Variants in SEC14L1 observed in about 807,000 individuals in gnomAD.
The protein encoded by SEC14L1 is SEC14-like protein 1.
A neutral mutation model predicts 85.3 loss-of-function variants in SEC14L1; 48 were observed. That is an observed-to-expected ratio of 0.56 (90% CI 0.45 to 0.72). SEC14L1 has a LOEUF of 0.72. Among genes scored for constraint, SEC14L1 ranks in the 30% least tolerant of loss-of-function variants. The probability of loss-of-function intolerance (pLI) is 0.00; values close to 1 mark genes in which losing one functional copy is unlikely to be tolerated. For synonymous variants in SEC14L1, 391 were observed against 355.5 expected (o/e 1.10, Z -1.12); for missense variants, 682 against 921.4 (o/e 0.74, Z 3.36).
At chr17:77,207,816 AATAT>A (rs1976543474) in intron 13 of SEC14L1, among the ~76,000 whole-genome samples, 1 of 152,190 alleles carries the variant, frequency 6.6e-6, no homozygotes, top group African/African-American at 2.4e-5. Flanking sequence ...TGGGGTTTTT[AATAT>A]ACTGAGTTGC....
intron 3 of SEC14L1, among the ~76,000 whole-genome samples, chr17:77,119,857 T>C (rs1345667399): frequency 6.6e-6 from 1 of 152,116 alleles, no homozygotes; most frequent in Non-Finnish European, 1.5e-5. Context: ...CCTTCGCAAA[T>C]ACATTCTGAA....
intron 3 of SEC14L1, among the ~76,000 whole-genome samples, chr17:77,168,361 G>T (rs1289304390): frequency 1.3e-5 from 2 of 152,156 alleles, no homozygotes; most frequent in Non-Finnish European, 2.9e-5. Context: ...CTAGGAACAA[G>T]AGCCTATTTG....
chr17:77,193,467 G>A lies in SEC14L1; in HGVS notation c.392G>A (p.Ser131Asn), dbSNP rs548410006. The change falls in exon 6 of 17, where the codon AGT (serine) becomes AAT (asparagine). Residue 131 changes from serine to asparagine, a missense_variant. By Grantham distance (46) the Ser-to-Asn change is conservative. Coordinates refer to ENST00000436233, the MANE Select transcript of SEC14L1 (RefSeq NM_001143998.2). ...TGGACCTGTTTTGAACAGTCTGCAAGTTTAGATATTAAATCTTTCTTTGGT... is the reference window on the plus strand; with the variant it reads ...TGGACCTGTTTTGAACAGTCTGCAAATTTAGATATTAAATCTTTCTTTGGT... The part of the protein sequence containing the change: ...EDWTCFEQSA[S>N]LDIKSFFGFE... 2 of 1,612,878 alleles carry A rather than the reference G, an allele frequency of 1.2e-6. No homozygotes were observed. The highest frequency in any genetic ancestry group is 1.7e-5 in the Admixed American group (1 of 59,922).
Position 77,193,476 on chromosome 17 carries a change from T to C in SEC14L1, c.401T>C (p.Ile134Thr), listed in dbSNP as rs748063423. The C allele has an allele frequency of 1.1e-5, 18 of 1,612,878 alleles. No homozygotes were observed. Among genetic ancestry groups the C allele is most frequent in the Non-Finnish European group, 1.4e-5 (16 of 1,179,178 alleles). ...TCFEQSASLD[I>T]KSFFGFESTV... ...TTTGAACAGTCTGCAAGTTTAGATA[T>C]TAAATCTTTCTTTGGTTTTGAAAGT... The change falls in exon 6 of 17, where the codon ATT becomes ACT. Residue 134 changes from isoleucine (I) to threonine (T), a missense_variant. By Grantham distance (89) the Ile-to-Thr change is moderately conservative. This residue lies in a region of SEC14L1 where 139 missense variants were observed against 201.3 expected (regional missense o/e 0.69). Transcript: ENST00000436233.
intron 14 of SEC14L1, 153 bp from the exon 15 acceptor site, chr17:77,211,797 A>T: frequency 1.1e-6 from 1 of 934,458 alleles, no homozygotes; most frequent in Non-Finnish European, 1.6e-6. Context: ...GTGGTGTGTG[A>T]CTCTGGGGAA....
At chr17:77,179,675 C>T (rs1455432185) in intron 3 of SEC14L1, among the ~76,000 whole-genome samples, 1 of 151,990 alleles carries the variant, frequency 6.6e-6, no homozygotes, top group Non-Finnish European at 1.5e-5. Context: ...CAAATTTTTA[C>T]TTTTTTTCTT....
intron 3 of SEC14L1, among the ~76,000 whole-genome samples, chr17:77,173,549 C>T (rs565425202): frequency 8.5e-5 from 13 of 152,214 alleles, no homozygotes; most frequent in African/African-American, 2.6e-4. Context: ...AGGCCCCTGC[C>T]GTCAGCACAG....
rs759174732 is a variant in SEC14L1 at position 77,193,531 on chromosome 17, T to C, written c.456T>C (p.Tyr152=). ...STVEKIAMKQ[Y]TSNIKKGKEI... ...TGGAAAAAATTGCAATGAAACAATA[T>C]ACCAGCAACATTAAAAAAGTGAGTG... Residue 152 remains tyrosine (Y), a synonymous_variant, in exon 6 of 17, where the codon TAT becomes TAC. Transcript: ENST00000436233. 3.1e-6 allele frequency: 5 copies of C among 1,611,124 alleles called. No individual in the cohort carries two copies. The highest frequency in any genetic ancestry group is 2.2e-5 in the East Asian group (1 of 44,838).
intron 3 of SEC14L1, among the ~76,000 whole-genome samples, chr17:77,147,161 G>A (rs1001871906): frequency 6.6e-6 from 1 of 152,256 alleles, no homozygotes; most frequent in Admixed American, 6.5e-5. Context: ...TGTGAGTCCT[G>A]TGAGGTGAGA....
chr17:77,191,538 G>T (rs866355055), intron 5 of SEC14L1, among the ~76,000 whole-genome samples: 2 of 151,862 alleles, frequency 1.3e-5, no homozygotes, highest in Admixed American at 6.6e-5. Flanking sequence ...CCTTGATTTG[G>T]TTTTGTTTTT....
At chr17:77,212,300 G>T in intron 15 of SEC14L1, 99 bp downstream of exon 15, 5 of 1,507,360 alleles carry the variant, frequency 3.3e-6, no homozygotes, top group African/African-American at 2.8e-5. Context: ...GAGCAGCCCT[G>T]TGTAGCTTTT....
chr17:77,155,498 G>GC, intron 3 of SEC14L1, among the ~76,000 whole-genome samples: 1 of 152,240 alleles, frequency 6.6e-6, no homozygotes, highest in East Asian at 1.9e-4. Flanking sequence ...TCTTGCTGGT[G>GC]CCCAGATGGG....
chr17:77,165,286 G>C (rs555457063), intron 3 of SEC14L1, among the ~76,000 whole-genome samples: 25 of 152,322 alleles, frequency 1.6e-4, no homozygotes, highest in African/African-American at 5.8e-4. Context: ...CCAGGATTGA[G>C]GACGTGCCTG....
intron 3 of SEC14L1, among the ~76,000 whole-genome samples, chr17:77,104,558 G>A (rs1333680825): frequency 6.7e-6 from 1 of 149,720 alleles, no homozygotes; most frequent in Non-Finnish European, 1.5e-5. Flanking sequence ...TTGGGAGGCC[G>A]AGGAGGGTGG....
At chr17:77,142,304 G>A (rs1046673510) in intron 1 of SEC14L1, among the ~76,000 whole-genome samples, 9 of 152,096 alleles carry the variant, frequency 5.9e-5, no homozygotes, top group African/African-American at 2.2e-4. Context: ...ACCAGGCGCC[G>A]TGACTCATGA....
chr17:77,216,343 T>A lies in SEC14L1; in HGVS notation c.*2320T>A. 7.8e-7 allele frequency: 1 copy of A among 1,287,462 alleles called. No individual in the cohort carries two copies. The highest frequency in any genetic ancestry group is 1.9e-5 in the South Asian group (1 of 52,940). 79.8% of individuals were successfully genotyped at this position (1,287,462 alleles called of 1,614,324 possible). A position where few individuals can be genotyped will look rare whatever the true frequency, so the allele number is the denominator to read the frequency against. On this transcript the variant is annotated 3_prime_UTR_variant, in exon 17 of 17. Coordinates refer to ENST00000436233, the MANE Select transcript of SEC14L1 (RefSeq NM_001143998.2). ...AGTAGGTAGGGCTAGTAGGTAGGGT[T>A]AGTAGGTAGGGCTAGTAGGTAGGGC... is the stretch of plus-strand genomic sequence containing the variant.
At chr17:77,154,508 T>C in intron 3 of SEC14L1, among the ~76,000 whole-genome samples, 1 of 152,150 alleles carries the variant, frequency 6.6e-6, no homozygotes, top group East Asian at 1.9e-4. Flanking sequence ...AAATATAAAA[T>C]GTAAATGCCA....
chr17:77,161,990 G>T (rs756197951), intron 3 of SEC14L1, among the ~76,000 whole-genome samples: 1 of 149,418 alleles, frequency 6.7e-6, no homozygotes. Context: ...ATAGATCGCA[G>T]TGAGGGAGGT....
Position 77,215,400 on chromosome 17 carries a change from C to T in SEC14L1, c.*1377C>T, listed in dbSNP as rs968862790. 39 of 985,396 alleles carry T rather than the reference C, an allele frequency of 4.0e-5. No homozygotes were observed. The highest frequency in any genetic ancestry group is 1.2e-4 in the Admixed American group (2 of 16,286). The allele number at this position is 985,396 out of a possible 1,614,324, so 61.0% of individuals were successfully genotyped here. A position where few individuals can be genotyped will look rare whatever the true frequency, so the allele number is the denominator to read the frequency against. On this transcript the variant is annotated 3_prime_UTR_variant, in exon 17 of 17. Coordinates refer to ENST00000436233, the MANE Select transcript of SEC14L1 (RefSeq NM_001143998.2). ...CGTGTTTTTCATGCCAAACCCCACG[C>T]GGCTGTCAACTGTGTGCGTGGTAGG... is the stretch of plus-strand genomic sequence containing the variant.
Sources: gnomAD v4.1 joint callset for allele counts (sites outside exome capture counted in the v4.1 genomes callset) on GRCh38, gnomAD v4.1.1 for gene constraint, gnomAD v4.1.1 regional missense constraint, MANE v1.5 for transcripts, NCBI Gene and HGNC (gene_info 2026-07-23, HGNC 2026-07-21) for gene names.